Variants in SPACA1 observed in about 807,000 individuals in gnomAD.
SPACA1 encodes sperm acrosome membrane-associated protein 1.
In SPACA1, 17 loss-of-function variants were observed where a neutral mutation model predicts 32.6. That is an observed-to-expected ratio of 0.52 (90% CI 0.36 to 0.78). SPACA1 has a LOEUF of 0.78. SPACA1 is among the 30% of genes least tolerant of loss of function. The pLI, the probability that SPACA1 is intolerant of heterozygous loss-of-function variation, is 0.01. For synonymous variants in SPACA1, 140 were observed against 138.1 expected (o/e 1.01, Z -0.10); for missense variants, 363 against 373.4 (o/e 0.97, Z 0.23).
chr6:88,060,029 G>A (rs2127800936), intron 5 of SPACA1, among the ~76,000 whole-genome samples: 1 of 152,196 alleles, frequency 6.6e-6, no homozygotes, highest in South Asian at 2.1e-4. Flanking sequence ...ATAAAATTAA[G>A]AAATACGATG....
rs192436603 is a variant in SPACA1 at position 88,063,022 on chromosome 6, A to T, written c.611-1077A>T. 2.0e-5 allele frequency among the ~76,000 whole-genome samples: 3 copies of T among 152,322 alleles called. No individual in the cohort carries two copies. In the East Asian group the frequency reaches 5.8e-4, roughly 29 times the overall value. Reference sequence around the variant, plus strand: ...TAAAAGGAAACATTGAATAAATCAGACTGCATCAAAATTAAAAACTTCAGC... The same window carrying T: ...TAAAAGGAAACATTGAATAAATCAGTCTGCATCAAAATTAAAAACTTCAGC... On this transcript the variant is annotated intron_variant, in intron 5 of 6. Transcript: ENST00000237201.
chr6:88,064,410 A>C (rs1775946690), intron 6 of SPACA1, 191 bp downstream of exon 6: 1 of 377,742 alleles, frequency 2.6e-6, no homozygotes, highest in African/African-American at 2.1e-5. Context: ...TGCTTTTTAA[A>C]ACAATCTCAT....
chr6:88,058,275 T>G (rs1199446521), intron 3 of SPACA1, among the ~76,000 whole-genome samples: 5 of 152,228 alleles, frequency 3.3e-5, no homozygotes, highest in African/African-American at 1.2e-4. Context: ...CCTATCAGTC[T>G]TCTGTTCCTC....
intron 1 of SPACA1, among the ~76,000 whole-genome samples, chr6:88,050,274 C>T (rs1333877754): frequency 1.3e-5 from 2 of 152,146 alleles, no homozygotes; most frequent in Non-Finnish European, 2.9e-5. Flanking sequence ...GTCAGGCTAA[C>T]TACATGATAA....
At position 88,066,430 on chromosome 6, in the gene SPACA1, T is replaced by G; in HGVS notation, c.*95T>G. On this transcript the variant is annotated 3_prime_UTR_variant, in exon 7 of 7. Coordinates refer to ENST00000237201, the MANE Select transcript of SPACA1 (RefSeq NM_030960.3). ...ACACATTGAAATACTTTAATAATGTTGCGATGGATTGCCACAGTGTGAAGG... is the reference window on the plus strand; with the variant it reads ...ACACATTGAAATACTTTAATAATGTGGCGATGGATTGCCACAGTGTGAAGG... 8.5e-7 allele frequency: 1 copy of G among 1,172,102 alleles called. No homozygotes were observed. The allele number at this position is 1,172,102 out of a possible 1,614,324, so 72.6% of individuals were successfully genotyped here. A position where few individuals can be genotyped will look rare whatever the true frequency, so the allele number is the denominator to read the frequency against.
At chr6:88,056,130 C>T (rs923824427) in intron 2 of SPACA1, among the ~76,000 whole-genome samples, 1 of 152,042 alleles carries the variant, frequency 6.6e-6, no homozygotes, top group Non-Finnish European at 1.5e-5. Context: ...CTGAGGCTGG[C>T]GGATCACCAG....
At chr6:88,049,029 C>T (rs1775689917) in intron 1 of SPACA1, among the ~76,000 whole-genome samples, 1 of 152,112 alleles carries the variant, frequency 6.6e-6, no homozygotes, top group South Asian at 2.1e-4. Context: ...CTTTCATTTC[C>T]TGATAGTGAT....
At chr6:88,048,186 A>G in intron 1 of SPACA1, 73 bp downstream of exon 1, 1 of 1,427,116 alleles carries the variant, frequency 7.0e-7, no homozygotes, top group Non-Finnish European at 9.5e-7. Context: ...TCTTTGCCTG[A>G]GAACCATAAT....
chr6:88,047,817 G>A (rs1280086215), upstream of SPACA1: 6 of 1,294,078 alleles, frequency 4.6e-6, no homozygotes, highest in Non-Finnish European at 6.2e-6. Flanking sequence ...GGGCGGCTAC[G>A]GGCGGGGTGT....
rs759740565 is a variant in SPACA1, at chr6:88,065,698, A to AC, written c.732-478dup. ...AATTATTTTTTTGAGTATGTCCCAGACCCCCCACCCCTGTAAAAGTATTTT... is the reference window on the plus strand; with the variant it reads ...AATTATTTTTTTGAGTATGTCCCAGACCCCCCCACCCCTGTAAAAGTATTTT... On this transcript the variant is annotated intron_variant, in intron 6 of 6. Transcript: ENST00000237201. Among the ~76,000 whole-genome samples, 204 of 149,964 alleles carry AC rather than the reference A, an allele frequency of 1.4e-3. 1 individual carries two copies. Among genetic ancestry groups the AC allele is most frequent in the Non-Finnish European group, 1.8e-3 (124 of 67,526 alleles).
intron 1 of SPACA1, among the ~76,000 whole-genome samples, chr6:88,053,015 T>A (rs1775753870): frequency 6.6e-6 from 1 of 152,240 alleles, no homozygotes; most frequent in African/African-American, 2.4e-5. Flanking sequence ...CTAAACAATT[T>A]ATAGAATGCT....
intron 5 of SPACA1, 116 bp from the exon 6 acceptor site, chr6:88,063,983 G>A (rs888916081): frequency 6.9e-6 from 8 of 1,160,096 alleles, no homozygotes; most frequent in Non-Finnish European, 9.4e-6. Context: ...AATTTTCTCT[G>A]CACTAAGCAT....
At chr6:88,063,989 A>G in intron 5 of SPACA1, 110 bp from the exon 6 acceptor site, 1 of 1,239,702 alleles carries the variant, frequency 8.1e-7, no homozygotes, top group Non-Finnish European at 1.1e-6. Flanking sequence ...CTCTGCACTA[A>G]GCATTTCTTT....
chr6:88,055,896 G>A (rs1043536471), intron 2 of SPACA1, among the ~76,000 whole-genome samples: 15 of 152,146 alleles, frequency 9.9e-5, no homozygotes, highest in African/African-American at 2.9e-4. Context: ...GCTTGAAGCC[G>A]GGAGGTGGAG....
upstream of SPACA1, among the ~76,000 whole-genome samples, chr6:88,046,931 G>C (rs1046878031): frequency 2.0e-5 from 3 of 152,090 alleles, no homozygotes; most frequent in South Asian, 6.2e-4. Context: ...TATTCCAAAA[G>C]CCAGAGTGTA....
At chr6:88,050,991 C>CA (rs1390083148) in intron 1 of SPACA1, among the ~76,000 whole-genome samples, 1 of 151,918 alleles carries the variant, frequency 6.6e-6, no homozygotes, top group African/African-American at 2.4e-5. Context: ...ACTAAAAATA[C>CA]AAAAAATTAG....
intron 1 of SPACA1, 111 bp from the exon 2 acceptor site, chr6:88,053,835 A>G (rs1459860578): frequency 1.8e-5 from 14 of 792,626 alleles, no homozygotes; most frequent in Non-Finnish European, 2.8e-5. Flanking sequence ...AAAACTTAAA[A>G]AATGTCTGCT....
chr6:88,053,001 A>G (rs1026891024), intron 1 of SPACA1, among the ~76,000 whole-genome samples: 1 of 152,250 alleles, frequency 6.6e-6, no homozygotes, highest in Non-Finnish European at 1.5e-5. Context: ...GTATGTTTGT[A>G]GTACTAAACA....
At chr6:88,061,681 C>T (rs1775899699) in intron 5 of SPACA1, among the ~76,000 whole-genome samples, 1 of 152,008 alleles carries the variant, frequency 6.6e-6, no homozygotes, top group Non-Finnish European at 1.5e-5. Flanking sequence ...ACATTGTTTT[C>T]AGACTTCTAG....
Sources: gnomAD v4.1 joint callset for allele counts (sites outside exome capture counted in the v4.1 genomes callset) on GRCh38, gnomAD v4.1.1 for gene constraint, MANE v1.5 for transcripts, NCBI Gene and HGNC (gene_info 2026-07-23, HGNC 2026-07-21) for gene names.